AFAP1: variants seen among roughly 807,000 people sequenced by gnomAD.
The protein encoded by AFAP1 is actin filament-associated protein 1.
AFAP1 carries 75 observed loss-of-function variants against 93.9 expected under a neutral mutation model. The observed-to-expected ratio is 0.80, with a 90% confidence interval of 0.66 to 0.97. The LOEUF (loss-of-function observed/expected upper bound fraction) is 0.97. Ranked by LOEUF, AFAP1 falls within the 50% of genes least tolerant of loss-of-function variation. AFAP1 has a pLI of 0.00. For missense variants in AFAP1, 1,201 were observed against 1,050.8 expected (o/e 1.14, Z -1.98); for synonymous variants, 517 against 430.7 (o/e 1.20, Z -2.48).
chr4:7,923,793 C>T (rs1008566795), intron 1 of AFAP1, among the ~76,000 whole-genome samples: 4 of 152,036 alleles, frequency 2.6e-5, no homozygotes, highest in Admixed American at 2.6e-4. Flanking sequence ...GGCCACTGAT[C>T]CTGTCAGACC....
intron 1 of AFAP1, among the ~76,000 whole-genome samples, chr4:7,885,005 C>A (rs1178961955): frequency 6.6e-6 from 1 of 152,184 alleles, no homozygotes; most frequent in African/African-American, 2.4e-5. Flanking sequence ...TCAATGGTTA[C>A]ACCTTTCTTT....
chr4:7,909,351 AAAG>A (rs922032233), intron 1 of AFAP1, among the ~76,000 whole-genome samples: 2 of 152,236 alleles, frequency 1.3e-5, no homozygotes, highest in African/African-American at 4.8e-5. Context: ...GCCCTTGCTT[AAAG>A]AAGTATTATT....
rs747411086 is a variant in AFAP1 at position 7,772,874 on chromosome 4, G to A, written c.2199C>T (p.Gly733=). ...CGATGGCCAGCCCCAGGGTGACTCCGCCCGCCAGCGCTTTCTTCAGGCTCT... is the reference window on the plus strand; with the variant it reads ...CGATGGCCAGCCCCAGGGTGACTCCACCCGCCAGCGCTTTCTTCAGGCTCT... ...VKESLKKALA[G]GVTLGLAIEP... Residue 733 remains glycine, a synonymous_variant, in exon 16 of 18, where the codon GGC becomes GGT. Transcript: ENST00000420658. The A allele has an allele frequency of 3.8e-5, 61 of 1,612,982 alleles. No individual in the cohort carries two copies. The highest frequency in any genetic ancestry group is 1.7e-4 in the Middle Eastern group (1 of 5,970).
At chr4:7,827,569 C>CACAAAAAAA (rs1553841301) in intron 6 of AFAP1, among the ~76,000 whole-genome samples, 4 of 52,254 alleles carry the variant, frequency 7.7e-5, no homozygotes, top group African/African-American at 3.2e-4. Flanking sequence ...ACTCTGTCTC[C>CACAAAAAAA]AAAAAAAAAA....
Position 7,910,894 on chromosome 4 carries a change from C to T in AFAP1, c.-3+28762G>A, listed in dbSNP as rs141375949. Among the ~76,000 whole-genome samples the T allele has an allele frequency of 7.5e-3, 1,149 of 152,288 alleles. 15 individuals are homozygous for T. The highest frequency in any genetic ancestry group is 0.026 in the African/African-American group (1,097 of 41,564). On this transcript the variant is annotated intron_variant, in intron 1 of 17. Coordinates refer to ENST00000420658, the MANE Select transcript of AFAP1 (RefSeq NM_001134647.2). ...GAGGGCGTGCTTGAGAGGCACCCCA[C>T]GACTGGGCCCTCCATGCCACTCTCC...
chr4:7,761,873 T>G lies in AFAP1; in HGVS notation c.*1892A>C, dbSNP rs1488015076. The G allele has an allele frequency of 3.3e-5, 5 of 152,378 alleles. No homozygotes were observed. The highest frequency in any genetic ancestry group is 3.3e-4 in the Admixed American group (5 of 15,284). 9.4% of individuals were successfully genotyped at this position (152,378 alleles called of 1,614,324 possible). ...TCTATGGCAATGCAGCGGACGGCCC[T>G]GAGGTGTGTGGCGTCCCCGCCCGAC... On this transcript the variant is annotated 3_prime_UTR_variant, in exon 18 of 18. Transcript: ENST00000420658.
intron 4 of AFAP1, among the ~76,000 whole-genome samples, chr4:7,844,090 C>T (rs754602576): frequency 6.6e-6 from 1 of 152,182 alleles, no homozygotes; most frequent in Non-Finnish European, 1.5e-5. Flanking sequence ...AACTTCCTGA[C>T]ACCTCCAGCA....
intron 14 of AFAP1, chr4:7,776,823 A>C (rs919329111): frequency 3.3e-5 from 5 of 152,172 alleles, no homozygotes; most frequent in African/African-American, 1.2e-4. Flanking sequence ...TCCAAACTCT[A>C]CTCGCTTATT....
intron 6 of AFAP1, among the ~76,000 whole-genome samples, chr4:7,822,888 C>T (rs193020491): frequency 8.0e-5 from 12 of 149,482 alleles, no homozygotes; most frequent in Admixed American, 2.7e-4. Context: ...CCACTGCGCC[C>T]GGCCCCTCTT....
At chr4:7,901,758 C>G (rs1174307236) in intron 1 of AFAP1, among the ~76,000 whole-genome samples, 1 of 152,212 alleles carries the variant, frequency 6.6e-6, no homozygotes, top group African/African-American at 2.4e-5. Context: ...CCTCCAAGTT[C>G]CTTTGCTGTT....
rs766670477 is a variant in AFAP1, at chr4:7,762,860, C to G, written c.*905G>C. The G allele has an allele frequency of 6.6e-6, 1 of 152,358 alleles. No individual in the cohort carries two copies. Among genetic ancestry groups the G allele is most frequent in the African/African-American group, 2.4e-5 (1 of 41,460 alleles). The allele number at this position is 152,358 out of a possible 1,614,324, so 9.4% of individuals were successfully genotyped here. A position where few individuals can be genotyped will look rare whatever the true frequency, so the allele number is the denominator to read the frequency against. On this transcript the variant is annotated 3_prime_UTR_variant, in exon 18 of 18. Coordinates refer to ENST00000420658, the MANE Select transcript of AFAP1 (RefSeq NM_001134647.2). ...CCCAAGCAGCAGTAAACGTCCTGTA[C>G]AGCGGCGAGGAGCCAGCCCCTGCCC... is the stretch of plus-strand genomic sequence containing the variant.
At chr4:7,935,780 C>A (rs182388732) in intron 1 of AFAP1, among the ~76,000 whole-genome samples, 1 of 152,150 alleles carries the variant, frequency 6.6e-6, no homozygotes, top group Non-Finnish European at 1.5e-5. Context: ...TTTGGGACCC[C>A]GGCCAGGGCT....
At chr4:7,886,496 A>G (rs950900488) in intron 1 of AFAP1, among the ~76,000 whole-genome samples, 5 of 152,210 alleles carry the variant, frequency 3.3e-5, no homozygotes, top group African/African-American at 1.2e-4. Flanking sequence ...GGATCTGTGC[A>G]TGTGTGTATA....
chr4:7,820,067 C>T (rs548543526), intron 6 of AFAP1, among the ~76,000 whole-genome samples: 2 of 152,284 alleles, frequency 1.3e-5, no homozygotes, highest in African/African-American at 4.8e-5. Flanking sequence ...ATAGGGAAAT[C>T]CATGAGAGGA....
intron 1 of AFAP1, among the ~76,000 whole-genome samples, chr4:7,877,492 T>G (rs1184144112): frequency 6.6e-6 from 1 of 152,276 alleles, no homozygotes; most frequent in East Asian, 1.9e-4. Flanking sequence ...TATGAACTCA[T>G]GTGCTCTTCA....
intron 1 of AFAP1, among the ~76,000 whole-genome samples, chr4:7,896,036 CTTTTA>C (rs1718745916): frequency 6.6e-6 from 1 of 151,700 alleles, no homozygotes; most frequent in Non-Finnish European, 1.5e-5. Flanking sequence ...AATTTTTGTA[CTTTTA>C]GTAGAGACTG....
chr4:7,878,782 G>A (rs1237286374), intron 1 of AFAP1, among the ~76,000 whole-genome samples: 3 of 152,168 alleles, frequency 2.0e-5, no homozygotes, highest in Non-Finnish European at 2.9e-5. Flanking sequence ...GAAAGGTTAC[G>A]TTTTTGCCTA....
At chr4:7,864,141 A>ACCTTCC (rs1716109024) in intron 3 of AFAP1, among the ~76,000 whole-genome samples, 46 of 34,652 alleles carry the variant, frequency 1.3e-3, no homozygotes, top group South Asian at 3.5e-3. Context: ...CCATCACAAC[A>ACCTTCC]CATTCCCAAC....
At chr4:7,885,937 C>T (rs1046258056) in intron 1 of AFAP1, among the ~76,000 whole-genome samples, 13 of 152,138 alleles carry the variant, frequency 8.5e-5, no homozygotes, top group African/African-American at 2.9e-4. Context: ...GAGCTGTGTT[C>T]GAGCATGGTC....
Sources: allele counts gnomAD v4.1 joint callset (sites outside exome capture counted in the v4.1 genomes callset), GRCh38; gene constraint gnomAD v4.1.1; transcripts MANE v1.5; gene names NCBI Gene and HGNC (gene_info 2026-07-23, HGNC 2026-07-21).